Variants in DIS3L2 observed in about 807,000 individuals in gnomAD.
DIS3L2 encodes DIS3-like exonuclease 2.
In DIS3L2, 34 loss-of-function variants were observed where a neutral mutation model predicts 97.5. The ratio of observed to expected loss-of-function variants is 0.35; its 90% CI spans 0.27 to 0.46. The LOEUF (loss-of-function observed/expected upper bound fraction) is 0.46, where lower values mean the gene tolerates loss of function less well. Among genes scored for constraint, DIS3L2 ranks in the 20% least tolerant of loss-of-function variants. The probability of loss-of-function intolerance (pLI) is 1.00; values close to 1 mark genes in which losing one functional copy is unlikely to be tolerated. For missense variants in DIS3L2, 1,038 were observed against 1,146.0 expected, an observed-to-expected ratio of 0.91 and a Z score of 1.36; for synonymous variants, 435 against 445.2, an observed-to-expected ratio of 0.98 and a Z score of 0.29.
At chr2:232,085,438 T>C (rs573001072) in intron 5 of DIS3L2, among the ~76,000 whole-genome samples, 70 of 152,322 alleles carry the variant, frequency 4.6e-4, no homozygotes, top group African/African-American at 1.6e-3. Flanking sequence ...TGGCACGAGG[T>C]GGGCATTCCA....
chr2:232,269,409 G>A lies in DIS3L2; in HGVS notation c.1659+5969G>A, dbSNP rs1455261230. ...TTTATGTTGTCACTTAAACACACGA[G>A]GAAGCTATTGATCACAGGGTTGAGT... On this transcript the variant is annotated intron_variant, in intron 13 of 20. Transcript: ENST00000325385. The surrounding 1 kb of genome is among the most constrained non-coding windows in gnomAD (Gnocchi z 4.5). Among the ~76,000 whole-genome samples, 3 of 152,196 alleles carry A rather than the reference G, an allele frequency of 2.0e-5. No homozygotes were observed. Among genetic ancestry groups the A allele is most frequent in the Non-Finnish European group, 2.9e-5 (2 of 68,042 alleles).
At chr2:232,189,230 C>T (rs1265335399) in intron 9 of DIS3L2, among the ~76,000 whole-genome samples, 1 of 152,124 alleles carries the variant, frequency 6.6e-6, no homozygotes, top group Non-Finnish European at 1.5e-5. Context: ...GGGCATTTAT[C>T]CCAGAAAAAT....
At chr2:232,023,383 G>A (rs990009448) in intron 3 of DIS3L2, among the ~76,000 whole-genome samples, 2 of 152,126 alleles carry the variant, frequency 1.3e-5, no homozygotes, top group South Asian at 2.1e-4. Flanking sequence ...ATTTTATGCC[G>A]TTGCCTGTTT....
chr2:232,334,582 G>A, intron 18 of DIS3L2, 49 bp from the exon 19 acceptor site: 1 of 1,601,998 alleles, frequency 6.2e-7, no homozygotes, highest in Non-Finnish European at 8.5e-7. Flanking sequence ...GCCTCGAGGA[G>A]CCCAGGGCAG....
chr2:232,253,986 A>G (rs892973834), intron 12 of DIS3L2, among the ~76,000 whole-genome samples: 1 of 152,238 alleles, frequency 6.6e-6, no homozygotes, highest in Non-Finnish European at 1.5e-5. Flanking sequence ...AGATTCAACT[A>G]TCAAGACAGA....
At chr2:232,246,926 T>C (rs1693268728) in intron 11 of DIS3L2, among the ~76,000 whole-genome samples, 2 of 1,308 alleles carry the variant, frequency 1.5e-3, no homozygotes, top group Admixed American at 0.013. Context: ...AACTCCTTAC[T>C]TTATTTGGAT....
At chr2:232,233,343 G>A (rs189533348) in intron 10 of DIS3L2, among the ~76,000 whole-genome samples, 3 of 152,154 alleles carry the variant, frequency 2.0e-5, no homozygotes, top group Admixed American at 1.3e-4. Context: ...TTCTCATTGC[G>A]TCCTTACATA....
chr2:232,009,404 G>C (rs1460938523), intron 1 of DIS3L2, among the ~76,000 whole-genome samples: 1 of 152,176 alleles, frequency 6.6e-6, no homozygotes, highest in East Asian at 1.9e-4. Context: ...ATTCCATGGA[G>C]TCTGTTTCTC....
chr2:232,014,561 G>T (rs1347532266), intron 1 of DIS3L2, among the ~76,000 whole-genome samples: 1 of 152,096 alleles, frequency 6.6e-6, no homozygotes, highest in Non-Finnish European at 1.5e-5. Flanking sequence ...GAATAGAACC[G>T]CAGGATTCCT....
intron 5 of DIS3L2, among the ~76,000 whole-genome samples, chr2:232,067,663 G>A (rs1479224623): frequency 6.6e-6 from 1 of 152,014 alleles, no homozygotes; most frequent in African/African-American, 2.4e-5. Context: ...CATTGTTCAG[G>A]GCTTCTGTTT....
In DIS3L2 at chr2:231,989,532, G is replaced by A. The variant is rs989299257; in HGVS notation, c.-93-25303G>A. On this transcript the variant is annotated intron_variant, in intron 1 of 20. Coordinates refer to ENST00000325385, the MANE Select transcript of DIS3L2 (RefSeq NM_152383.5). The stretch of plus-strand genomic sequence containing the variant: ...AAAGAGTAAAAGAGTCTCCCCAAAC[G>A]GTAATTAAGAAAAGGGACAGGGGAC... 2.6e-5 allele frequency among the ~76,000 whole-genome samples: 4 copies of A among 151,996 alleles called. No individual in the cohort carries two copies. The East Asian group carries it at 5.8e-4, about 22-fold the overall frequency.
At chr2:232,270,557 G>C (rs1693960437) in intron 13 of DIS3L2, among the ~76,000 whole-genome samples, 1 of 152,102 alleles carries the variant, frequency 6.6e-6, no homozygotes, top group African/African-American at 2.4e-5. Context: ...ATTTAAATTA[G>C]ATTCTGATTT....
At chr2:231,974,669 T>C (rs1693028064) in intron 1 of DIS3L2, among the ~76,000 whole-genome samples, 1 of 152,132 alleles carries the variant, frequency 6.6e-6, no homozygotes. Context: ...GTAAGGTATA[T>C]GTATTTATTT....
intron 6 of DIS3L2, among the ~76,000 whole-genome samples, chr2:232,095,078 A>G (rs1229097614): frequency 1.3e-5 from 2 of 152,112 alleles, no homozygotes; most frequent in Non-Finnish European, 2.9e-5. Flanking sequence ...TAGGCAGCAG[A>G]TCATTGCATC....
At position 231,968,097 on chromosome 2, in the gene DIS3L2, A is replaced by ATT. The variant is rs34272468; in HGVS notation, c.-94+6349_-94+6350dup. On this transcript the variant is annotated intron_variant, in intron 1 of 20. Transcript: ENST00000325385. ...CCCTGATCCCTATCCCAGATAACTG[A>ATT]TTTTTTTTTTTTTTTTTTGAGACAG... Among the ~76,000 whole-genome samples, 39 of 134,650 alleles carry ATT rather than the reference A, an allele frequency of 2.9e-4. 1 individual carries two copies. The highest frequency in any genetic ancestry group is 4.2e-4 in the Non-Finnish European group (26 of 62,270). 88.3% of individuals were successfully genotyped at this position (134,650 alleles called of 152,430 possible). A position where few individuals can be genotyped will look rare whatever the true frequency, so the allele number is the denominator to read the frequency against.
At chr2:232,145,126 G>C (rs1186498999) in intron 8 of DIS3L2, among the ~76,000 whole-genome samples, 1 of 152,116 alleles carries the variant, frequency 6.6e-6, no homozygotes, top group Non-Finnish European at 1.5e-5. Flanking sequence ...ATACATTGGT[G>C]CTTTTACCCA....
At chr2:232,142,833 G>T (rs1445177795) in intron 8 of DIS3L2, among the ~76,000 whole-genome samples, 1 of 152,124 alleles carries the variant, frequency 6.6e-6, no homozygotes, top group Non-Finnish European at 1.5e-5. Flanking sequence ...ACTTTGTATT[G>T]TTGGAAGTTT....
chr2:232,106,262 A>G (rs62197711), intron 6 of DIS3L2, among the ~76,000 whole-genome samples: 43 of 152,234 alleles, frequency 2.8e-4, no homozygotes, highest in Non-Finnish European at 5.0e-4. Flanking sequence ...TCTTGTTGAC[A>G]TGTGATACTC....
intron 1 of DIS3L2, among the ~76,000 whole-genome samples, chr2:232,007,260 TAGAA>T (rs779423019): frequency 2.6e-5 from 4 of 152,244 alleles, no homozygotes; most frequent in Middle Eastern, 3.4e-3. Flanking sequence ...CCCTCTAAAA[TAGAA>T]AGCGAAGATA....
Sources: gnomAD v4.1 joint callset for allele counts (sites outside exome capture counted in the v4.1 genomes callset) on GRCh38, gnomAD v4.1.1 for gene constraint, Gnocchi (gnomAD v3.1) non-coding constraint, MANE v1.5 for transcripts, NCBI Gene and HGNC (gene_info 2026-07-23, HGNC 2026-07-21) for gene names.